TTC28: variants seen among roughly 807,000 people sequenced by gnomAD.
TTC28 encodes tetratricopeptide repeat protein 28.
Under a neutral mutation model 198.0 loss-of-function variants are expected in TTC28, and 61 were observed. The ratio of observed to expected loss-of-function variants is 0.31; its 90% CI spans 0.25 to 0.38. The LOEUF is 0.38. Among genes scored for constraint, TTC28 ranks in the 10% least tolerant of loss-of-function variants. TTC28 has a pLI of 1.00. For synonymous variants in TTC28, 1,171 were observed against 1,297.8 expected, an observed-to-expected ratio of 0.90 and a Z score of 2.10; for missense variants, 2,678 against 3,164.0, an observed-to-expected ratio of 0.85 and a Z score of 3.69.
intron 2 of TTC28, among the ~76,000 whole-genome samples, chr22:28,452,823 A>G (rs2047805175): frequency 6.6e-6 from 1 of 152,208 alleles, no homozygotes. Flanking sequence ...AAAAGTTCAG[A>G]TAATTACTTT....
chr22:27,978,231 G>A lies in TTC28; in HGVS notation c.*3990C>T, dbSNP rs7625. The A allele has an allele frequency of 0.47, 71,883 of 152,102 alleles. 17,843 individuals carry two copies. The highest frequency in any genetic ancestry group is 0.63 in the East Asian group (3,236 of 5,160). The allele number at this position is 152,102 out of a possible 1,614,324, so 9.4% of individuals were successfully genotyped here. ...ATATAAGGAACGTGAATGCCAGTGGGAAGGTGTCTGAGGAGGGGCAGGGCC... is the reference window on the plus strand; with the variant it reads ...ATATAAGGAACGTGAATGCCAGTGGAAAGGTGTCTGAGGAGGGGCAGGGCC... On this transcript the variant is annotated 3_prime_UTR_variant, in exon 23 of 23. Transcript: ENST00000397906.
chr22:28,086,447 G>C (rs529709491), intron 12 of TTC28, among the ~76,000 whole-genome samples: 81 of 152,186 alleles, frequency 5.3e-4, no homozygotes, highest in African/African-American at 1.9e-3. Flanking sequence ...CAGAAATAAA[G>C]ATGTTCTTTG....
chr22:28,108,726 A>G (rs1569144271), intron 6 of TTC28, among the ~76,000 whole-genome samples: 1 of 152,254 alleles, frequency 6.6e-6, no homozygotes, highest in Non-Finnish European at 1.5e-5. Context: ...GCCATTGCGT[A>G]TAAAGAGTTT....
At chr22:28,543,846 A>C (rs1321259249) in intron 2 of TTC28, among the ~76,000 whole-genome samples, 1 of 152,250 alleles carries the variant, frequency 6.6e-6, no homozygotes, top group Non-Finnish European at 1.5e-5. Context: ...ATTCTAAATA[A>C]AATTGTTGCA....
intron 2 of TTC28, among the ~76,000 whole-genome samples, chr22:28,591,058 T>C (rs868760754): frequency 2.9e-4 from 35 of 120,996 alleles, no homozygotes; most frequent in East Asian, 1.9e-3. Flanking sequence ...TATATATATA[T>C]ATATATATAT....
intron 2 of TTC28, among the ~76,000 whole-genome samples, chr22:28,395,281 C>T (rs1331927045): frequency 4.6e-5 from 7 of 152,220 alleles, no homozygotes; most frequent in African/African-American, 1.7e-4. Flanking sequence ...TCCTCCCTTC[C>T]TTTCTTCTTT....
chr22:28,077,809 C>G (rs1017029500), intron 12 of TTC28, among the ~76,000 whole-genome samples: 1 of 152,134 alleles, frequency 6.6e-6, no homozygotes, highest in Non-Finnish European at 1.5e-5. Flanking sequence ...GGAACATTTA[C>G]CCCATTAAAA....
intron 2 of TTC28, among the ~76,000 whole-genome samples, chr22:28,543,961 C>T (rs1271280099): frequency 2.0e-5 from 3 of 152,224 alleles, no homozygotes; most frequent in African/African-American, 4.8e-5. Context: ...TGGCTCACGC[C>T]TGTAATCCCA....
intron 5 of TTC28, among the ~76,000 whole-genome samples, chr22:28,242,654 T>A (rs1306740547): frequency 6.6e-6 from 1 of 152,200 alleles, no homozygotes; most frequent in Non-Finnish European, 1.5e-5. Flanking sequence ...TTTTTTTATG[T>A]TTAATTGAAA....
At position 28,629,663 on chromosome 22, in the gene TTC28, C is replaced by G; in HGVS notation, c.270G>C (p.Gln90His). Residue 90 changes from glutamine to histidine, a missense_variant, in exon 2 of 23, where the codon CAG (glutamine) becomes CAC (histidine). By Grantham distance (24) the Gln-to-His change is conservative. Transcript: ENST00000397906. Reference sequence around the variant, plus strand: ...ATCTATTGCTGTATAAGATGCAGTTCTGAGGGTCAACAGCCAGGGCTTCAT... The same window carrying G: ...ATCTATTGCTGTATAAGATGCAGTTGTGAGGGTCAACAGCCAGGGCTTCAT... ...LYNEALAVDP[Q>H]NCILYSNRSA... is the part of the protein sequence containing the mutation. 1 of 1,551,598 alleles carries G rather than the reference C, an allele frequency of 6.4e-7. No individual in the cohort carries two copies. Among genetic ancestry groups the G allele is most frequent in the African/African-American group, 1.4e-5 (1 of 73,120 alleles).
chr22:28,430,610 G>T (rs2047416417), intron 2 of TTC28, among the ~76,000 whole-genome samples: 2 of 152,158 alleles, frequency 1.3e-5, no homozygotes, highest in Admixed American at 1.3e-4. Context: ...ATTCTGATAT[G>T]CATGGGGCAA....
intron 5 of TTC28, among the ~76,000 whole-genome samples, chr22:28,249,679 C>T (rs1356040368): frequency 6.6e-6 from 1 of 152,194 alleles, no homozygotes; most frequent in Non-Finnish European, 1.5e-5. Flanking sequence ...CTTCACTTCC[C>T]CCTGAGGCAG....
chr22:28,325,607 T>A (rs997624354), intron 2 of TTC28, among the ~76,000 whole-genome samples: 2 of 152,152 alleles, frequency 1.3e-5, no homozygotes, highest in African/African-American at 4.8e-5. Context: ...AGAGGATGTA[T>A]ATCCTTTATA....
intron 5 of TTC28, among the ~76,000 whole-genome samples, chr22:28,225,745 C>A (rs1928290796): frequency 6.6e-6 from 1 of 152,220 alleles, no homozygotes; most frequent in Admixed American, 6.5e-5. Context: ...ATCCACCAAC[C>A]AAAATTTTTC....
rs528680187 is a variant in TTC28 at position 28,273,903 on chromosome 22, A to G, written c.933+22295T>C. Among the ~76,000 whole-genome samples the G allele has an allele frequency of 7.9e-5, 12 of 152,322 alleles. No homozygotes were observed. The East Asian group carries it at 2.1e-3, about 27-fold the overall frequency. ...AACATTGAGATAGTTTTCAATAGAA[A>G]ACAGTGGAAACAACCCAAAAGAATA... is the stretch of plus-strand genomic sequence containing the variant. On this transcript the variant is annotated intron_variant, in intron 5 of 22. Coordinates refer to ENST00000397906, the MANE Select transcript of TTC28 (RefSeq NM_001145418.2).
intron 5 of TTC28, among the ~76,000 whole-genome samples, chr22:28,209,588 G>C (rs1412102544): frequency 6.6e-6 from 1 of 152,212 alleles, no homozygotes; most frequent in Non-Finnish European, 1.5e-5. Flanking sequence ...GAGGCTGGGG[G>C]AGGGGCGTCT....
chr22:28,389,661 T>C (rs971534952), intron 2 of TTC28, among the ~76,000 whole-genome samples: 3 of 151,248 alleles, frequency 2.0e-5, no homozygotes, highest in South Asian at 2.1e-4. Flanking sequence ...TGATGGTAGT[T>C]TGTATTTCTG....
At chr22:28,172,004 G>T (rs1189004944) in intron 5 of TTC28, among the ~76,000 whole-genome samples, 1 of 151,888 alleles carries the variant, frequency 6.6e-6, no homozygotes, top group Non-Finnish European at 1.5e-5. Context: ...TTTGCTGCAG[G>T]CCTAGAGACT....
chr22:28,595,428 ATTCT>A (rs1298336027), intron 2 of TTC28, among the ~76,000 whole-genome samples: 1 of 152,174 alleles, frequency 6.6e-6, no homozygotes, highest in African/African-American at 2.4e-5. Context: ...GGAGAAATGA[ATTCT>A]TTCTTATTTG....
Sources: allele counts gnomAD v4.1 joint callset (sites outside exome capture counted in the v4.1 genomes callset), GRCh38; gene constraint gnomAD v4.1.1; transcripts MANE v1.5; gene names NCBI Gene and HGNC (gene_info 2026-07-23, HGNC 2026-07-21).